Variants in SPATA13 observed in about 807,000 individuals in gnomAD.
The protein encoded by SPATA13 is spermatogenesis associated 13, also known as spermatogenesis-associated protein 13.
In SPATA13, 50 loss-of-function variants were observed where a neutral mutation model predicts 104.0. The ratio of observed to expected loss-of-function variants is 0.48; its 90% confidence interval spans 0.38 to 0.61. The LOEUF (loss-of-function observed/expected upper bound fraction) is 0.61. SPATA13 is among the 20% of genes least tolerant of loss of function. The probability of loss-of-function intolerance (pLI) is 0.00; values close to 1 mark genes in which losing one functional copy is unlikely to be tolerated. For missense variants in SPATA13, 1,524 were observed against 1,690.6 expected, an observed-to-expected ratio of 0.90 and a Z score of 1.73; for synonymous variants, 606 against 667.5, an observed-to-expected ratio of 0.91 and a Z score of 1.42.
chr13:24,144,643 G>A (rs1485502085), intron 3 of SPATA13, among the ~76,000 whole-genome samples: 1 of 152,032 alleles, frequency 6.6e-6, no homozygotes, highest in Non-Finnish European at 1.5e-5. Flanking sequence ...ACTCAGCTCC[G>A]TCCGGGTTGC....
intron 2 of SPATA13, among the ~76,000 whole-genome samples, chr13:23,989,194 C>T (rs1376255620): frequency 1.3e-5 from 2 of 152,104 alleles, no homozygotes; most frequent in African/African-American, 4.8e-5. Flanking sequence ...GAGGCCGAGG[C>T]AGGTGGATCA....
intron 2 of SPATA13, among the ~76,000 whole-genome samples, chr13:24,242,699 C>T (rs759784284): frequency 3.3e-5 from 5 of 152,088 alleles, no homozygotes; most frequent in East Asian, 1.9e-4. Context: ...ATTCCTTTGG[C>T]GTTAAAAATA....
intron 2 of SPATA13, among the ~76,000 whole-genome samples, chr13:24,003,463 T>G (rs1876075499): frequency 6.6e-6 from 1 of 152,338 alleles, no homozygotes; most frequent in Admixed American, 6.5e-5. Flanking sequence ...GAATTAAGGC[T>G]GCTGTGCCAC....
intron 3 of SPATA13, among the ~76,000 whole-genome samples, chr13:24,046,361 T>G (rs1486541545): frequency 6.6e-6 from 1 of 151,190 alleles, no homozygotes; most frequent in African/African-American, 2.4e-5. Flanking sequence ...GGTGTGATTA[T>G]AGCTCACTGA....
At chr13:24,019,929 T>C (rs530361370) in intron 3 of SPATA13, among the ~76,000 whole-genome samples, 2 of 152,318 alleles carry the variant, frequency 1.3e-5, no homozygotes, top group African/African-American at 4.8e-5. Flanking sequence ...AGTCTTTCTG[T>C]GGTTTTCAGG....
rs964278606 is a variant in SPATA13, at chr13:24,216,158, G to A, written c.-111-6661G>A. Among the ~76,000 whole-genome samples the A allele has an allele frequency of 2.6e-5, 4 of 152,166 alleles. No homozygotes were observed. The South Asian group carries it at 8.3e-4, about 32-fold the overall frequency. ...TGCAGAGGTTGGGGACGCAGGCAGG[G>A]AGGGGCATTATGGAGGATGCCAGCA... On this transcript the variant is annotated intron_variant, in intron 1 of 12. Transcript: ENST00000382108.
At chr13:24,063,943 CTTTCTGAGGGGCTGCTT>C (rs1337122737) in intron 3 of SPATA13, among the ~76,000 whole-genome samples, 5 of 152,272 alleles carry the variant, frequency 3.3e-5, no homozygotes, top group South Asian at 2.1e-4. Flanking sequence ...TGCCTGCCTC[CTTTCTGAGGGGCTGCTT>C]CTTCACTGTG....
chr13:24,150,853 T>C (rs1259987993), intron 3 of SPATA13, among the ~76,000 whole-genome samples: 4 of 152,218 alleles, frequency 2.6e-5, no homozygotes, highest in African/African-American at 9.6e-5. Context: ...GTGACTTAGC[T>C]GTTAGTATCA....
At chr13:24,259,090 G>C (rs1873932011) in intron 4 of SPATA13, among the ~76,000 whole-genome samples, 1 of 152,220 alleles carries the variant, frequency 6.6e-6, no homozygotes, top group Non-Finnish European at 1.5e-5. Context: ...ACTCTGAGCT[G>C]GGTGCTGGGC....
intron 2 of SPATA13, among the ~76,000 whole-genome samples, chr13:24,246,846 A>C (rs932070940): frequency 6.6e-6 from 1 of 152,116 alleles, no homozygotes; most frequent in African/African-American, 2.4e-5. Context: ...CTGGTGACAG[A>C]GTACGACTCC....
chr13:24,213,886 A>G (rs1258703292), intron 1 of SPATA13, among the ~76,000 whole-genome samples: 1 of 152,232 alleles, frequency 6.6e-6, no homozygotes, highest in Middle Eastern at 3.2e-3. Context: ...TTTACAGAAC[A>G]TTTTACCTTC....
intron 2 of SPATA13, among the ~76,000 whole-genome samples, chr13:23,997,173 G>A (rs1479568941): frequency 6.6e-6 from 1 of 152,208 alleles, no homozygotes; most frequent in Non-Finnish European, 1.5e-5. Flanking sequence ...AATACTGTGA[G>A]CAGAAATGGT....
At chr13:24,231,724 T>G (rs1384007034) in intron 2 of SPATA13, among the ~76,000 whole-genome samples, 4 of 152,202 alleles carry the variant, frequency 2.6e-5, no homozygotes, top group Non-Finnish European at 4.4e-5. Context: ...TCACCAGCAT[T>G]GTATAAGGGT....
At position 24,223,599 on chromosome 13, in the gene SPATA13, C is replaced by G; in HGVS notation, c.670C>G (p.Pro224Ala). 1.3e-6 allele frequency: 2 copies of G among 1,551,114 alleles called. No individual in the cohort carries two copies. The highest frequency in any genetic ancestry group is 1.7e-6 in the Non-Finnish European group (2 of 1,147,030). ...GGATGCGCCCCAGAACCATGCGACA[C>G]CCACGATAGCCACTGGCCAGGTGCC... ...LLDAPQNHAT[P>A]TIATGQVPAV... The change falls in exon 2 of 13, where the codon CCC (proline) becomes GCC (alanine). Residue 224 changes from proline (P) to alanine (A), a missense_variant. Physicochemically the swap from Pro to Ala is conservative, Grantham distance 27. Around this residue, in one of 2 missense-constraint regions of SPATA13, gnomAD observed 1,089 missense variants for 1,135.9 expected, o/e 0.96. Transcript: ENST00000382108.
intron 3 of SPATA13, among the ~76,000 whole-genome samples, chr13:24,111,738 A>AT (rs935395346): frequency 2.0e-5 from 3 of 152,076 alleles, no homozygotes; most frequent in Non-Finnish European, 2.9e-5. Flanking sequence ...CAAATTGATC[A>AT]TTTTTTCCTG....
At position 24,013,927 on chromosome 13, in the gene SPATA13, C is replaced by T. The variant is rs368685363; in HGVS notation, c.-146-3740C>T. On this transcript the variant is annotated intron_variant, in intron 2 of 14. Transcript: ENST00000424834. The stretch of plus-strand genomic sequence containing the variant: ...AATGGACTGTAGGCCTTTCTGACTG[C>T]AGAGCCTGTTTTAAGCTGTTGTGCT... 3.1e-4 allele frequency among the ~76,000 whole-genome samples: 47 copies of T among 152,260 alleles called. 1 individual carries two copies. The highest frequency in any genetic ancestry group is 1.1e-3 in the African/African-American group (45 of 41,544).
intron 4 of SPATA13, among the ~76,000 whole-genome samples, chr13:24,260,776 C>T (rs77513503): frequency 0.044 from 6,626 of 152,246 alleles, 211 homozygotes; most frequent in Non-Finnish European, 0.062. Flanking sequence ...GAAGCCAGAA[C>T]TGGAAATCAT....
intron 3 of SPATA13, among the ~76,000 whole-genome samples, chr13:24,078,747 C>T (rs912150): frequency 0.25 from 37,959 of 152,148 alleles, 5,018 homozygotes; most frequent in South Asian, 0.42. Context: ...TGTACATTCA[C>T]CTTCCCATTC....
At chr13:24,101,309 G>A (rs1169707240) in intron 3 of SPATA13, among the ~76,000 whole-genome samples, 5 of 152,218 alleles carry the variant, frequency 3.3e-5, no homozygotes, top group African/African-American at 9.6e-5. Flanking sequence ...CATTCGCTAT[G>A]TTGGATAAAC....
Sources: allele counts gnomAD v4.1 joint callset (sites outside exome capture counted in the v4.1 genomes callset), GRCh38; gene constraint gnomAD v4.1.1; regional missense constraint gnomAD v4.1.1; transcripts MANE v1.5; gene names NCBI Gene and HGNC (gene_info 2026-07-23, HGNC 2026-07-21).